CCDC14: variants seen among roughly 807,000 people sequenced by gnomAD.
The protein encoded by CCDC14 is coiled-coil domain-containing protein 14.
Under a neutral mutation model 81.4 loss-of-function variants are expected in CCDC14, and 71 were observed. The ratio of observed to expected loss-of-function variants is 0.87; its 90% confidence interval spans 0.72 to 1.06. CCDC14 has a LOEUF of 1.06. CCDC14 is among the 50% of genes least tolerant of loss of function. The pLI, the probability that CCDC14 is intolerant of heterozygous loss-of-function variation, is 0.00. For missense variants in CCDC14, 1,046 were observed against 1,047.3 expected (o/e 1.00, Z 0.02); for synonymous variants, 332 against 364.8 (o/e 0.91, Z 1.03).
At chr3:123,896,444 C>T (rs535610176), downstream of CCDC14, among the ~76,000 whole-genome samples, 2 of 152,122 alleles carry the variant, frequency 1.3e-5, no homozygotes, top group South Asian at 2.1e-4. Context: ...TATATAGACA[C>T]ACAACGGAAA....
intron 5 of CCDC14, among the ~76,000 whole-genome samples, chr3:123,899,788 C>A (rs1022136817): frequency 3.3e-5 from 5 of 152,150 alleles, no homozygotes; most frequent in African/African-American, 1.2e-4. Flanking sequence ...TGTAGCTGAC[C>A]AAACTCCTGA....
At chr3:123,936,125 T>A (rs1428027666) in intron 9 of CCDC14, among the ~76,000 whole-genome samples, 3 of 152,042 alleles carry the variant, frequency 2.0e-5, no homozygotes, top group Admixed American at 6.6e-5. Context: ...TCCCATATTT[T>A]AAAAAAATTC....
At chr3:123,924,912 CAT>C (rs79944151) in intron 12 of CCDC14, among the ~76,000 whole-genome samples, 33,684 of 148,224 alleles carry the variant, frequency 0.23, 8,364 homozygotes, top group East Asian at 0.78. Context: ...TGTACATATC[CAT>C]ATATATATAT....
At chr3:123,941,684 T>C (rs932731223) in intron 9 of CCDC14, among the ~76,000 whole-genome samples, 3 of 152,048 alleles carry the variant, frequency 2.0e-5, no homozygotes, top group African/African-American at 4.8e-5. Context: ...TAGCATGCTA[T>C]ATAATCTTTG....
At chr3:123,936,215 C>G (rs2036047734) in intron 9 of CCDC14, among the ~76,000 whole-genome samples, 1 of 151,926 alleles carries the variant, frequency 6.6e-6, no homozygotes, top group Admixed American at 6.6e-5. Flanking sequence ...AAAAAATATT[C>G]TATTTAAAAT....
In CCDC14 at chr3:123,948,897, A is replaced by T. The variant is rs756134591; in HGVS notation, c.588T>A (p.Ser196=). 5.0e-6 allele frequency: 8 copies of T among 1,611,550 alleles called. No homozygotes were observed. In the African/African-American group the frequency reaches 9.3e-5, roughly 19 times the overall value. The part of the protein sequence containing the change: ...PAVPCHAPSH[S]ESQATPHSSY... ...TTTTTAAACAGCATTCGTACTCACC[A>T]GAATGAGAGGGAGCATGGCATGGTA... Residue 196 remains serine, a splice_region_variant and synonymous_variant, in exon 6 of 13, where the codon TCT becomes TCA. Coordinates refer to ENST00000409697, the MANE Select transcript of CCDC14 (RefSeq NM_001366335.1).
rs1487661160 is a variant in CCDC14 at position 123,931,408 on chromosome 3, T to C, written c.1545A>G (p.Lys515=). ...TACTACTAAATTTTTTGTTTTCATC[T>C]TTCTGATTTTCAATCACTTTTAACA... ...EELLKVIENQ[K]DENKKFSSIF... Residue 515 remains lysine (K), a synonymous_variant, in exon 11 of 13, where the codon AAA becomes AAG. Transcript: ENST00000409697. 2 of 1,547,626 alleles carry C rather than the reference T, an allele frequency of 1.3e-6. No individual in the cohort carries two copies. Among genetic ancestry groups the C allele is most frequent in the Non-Finnish European group, 1.8e-6 (2 of 1,141,616 alleles).
At chr3:123,943,157 T>C (rs2036447002) in intron 9 of CCDC14, among the ~76,000 whole-genome samples, 1 of 151,992 alleles carries the variant, frequency 6.6e-6, no homozygotes, top group South Asian at 2.1e-4. Context: ...CATACATATA[T>C]ATATATGTTT....
At chr3:123,926,689 A>T (rs1421419465) in intron 12 of CCDC14, among the ~76,000 whole-genome samples, 1 of 151,884 alleles carries the variant, frequency 6.6e-6, no homozygotes, top group Non-Finnish European at 1.5e-5. Context: ...GCACATTTAA[A>T]ATCATTAAAG....
In CCDC14 at chr3:123,952,167, G is replaced by A. The variant is rs76270021; in HGVS notation, c.353-3035C>T. Among the ~76,000 whole-genome samples, 4 of 152,142 alleles carry A rather than the reference G, an allele frequency of 2.6e-5. No homozygotes were observed. The East Asian group carries it at 7.7e-4, about 29-fold the overall frequency. On this transcript the variant is annotated intron_variant, in intron 5 of 12. Transcript: ENST00000409697. ...CAGGTGATAACTAGAATTCATGAAA[G>A]GAAAGTATTCATTTACTCAGTCCAC...
intron 5 of CCDC14, among the ~76,000 whole-genome samples, chr3:123,899,756 C>T (rs1318420534): frequency 2.6e-5 from 4 of 152,326 alleles, no homozygotes; most frequent in South Asian, 4.1e-4. Context: ...AATCTGTTAA[C>T]GAAGTCTCCT....
chr3:123,947,181 T>C lies in CCDC14; in HGVS notation c.823A>G (p.Ile275Val). The change falls in exon 8 of 13, where the codon ATT becomes GTT. Residue 275 changes from isoleucine to valine, a missense_variant. Transcript: ENST00000409697. Reference sequence around the variant, plus strand: ...AGGCCCAGTTGCTGCAATGTTGGAATAGCTGATATGTCAGTTTTGGGCAGG... The same window carrying C: ...AGGCCCAGTTGCTGCAATGTTGGAACAGCTGATATGTCAGTTTTGGGCAGG... ...CSLPKTDISA[I>V]PTLQQLGLVN... is the part of the protein sequence containing the mutation. The C allele has an allele frequency of 6.2e-7, 1 of 1,614,016 alleles. No individual in the cohort carries two copies. The highest frequency in any genetic ancestry group is 8.5e-7 in the Non-Finnish European group (1 of 1,179,878).
At chr3:123,896,614 T>G (rs754712965), downstream of CCDC14, among the ~76,000 whole-genome samples, 1 of 152,102 alleles carries the variant, frequency 6.6e-6, no homozygotes, top group Admixed American at 6.5e-5. Context: ...CAGAAGCAGA[T>G]AGTAGAATGG....
At chr3:123,933,476 G>T in intron 10 of CCDC14, 197 bp downstream of exon 10, 1 of 555,310 alleles carries the variant, frequency 1.8e-6, no homozygotes, top group Non-Finnish European at 3.2e-6. Flanking sequence ...ATATGTAAAA[G>T]GAAACACACT....
intron 12 of CCDC14, among the ~76,000 whole-genome samples, chr3:123,925,337 G>A (rs192740225): frequency 6.6e-6 from 1 of 152,100 alleles, no homozygotes; most frequent in Non-Finnish European, 1.5e-5. Flanking sequence ...TGTGGTGGAT[G>A]TAAGGTAGGG....
At chr3:123,934,789 A>G (rs2682243) in intron 9 of CCDC14, among the ~76,000 whole-genome samples, 35,166 of 152,020 alleles carry the variant, frequency 0.23, 8,993 homozygotes, top group East Asian at 0.78. Context: ...TTTTGGTACT[A>G]ACTCTAAAAT....
intron 4 of CCDC14, 22 bp downstream of exon 4, chr3:123,956,024 C>CA: frequency 6.5e-7 from 1 of 1,527,110 alleles, no homozygotes; most frequent in Non-Finnish European, 8.8e-7. Context: ...AGGTGATCAG[C>CA]AAAGAATTAA....
chr3:123,887,983 T>G, the CCDC14 span, among the ~76,000 whole-genome samples: 1 of 152,136 alleles, frequency 6.6e-6, no homozygotes, highest in Admixed American at 6.5e-5. Context: ...TTCTTTTAAG[T>G]TTTTATTAGT....
chr3:123,947,020 A>G lies in CCDC14; in HGVS notation c.984T>C (p.Thr328=). The change falls in exon 8 of 13, where the codon ACT becomes ACC. Residue 328 remains threonine, a synonymous_variant. Coordinates refer to ENST00000409697, the MANE Select transcript of CCDC14 (RefSeq NM_001366335.1). ...HLDSQTHRSP[T]QSQPAFLATN... ...TGGCCAAGAAAGCTGGTTGTGACTG[A>G]GTAGGGCTTCGGTGTGTCTGACTGT... The G allele has an allele frequency of 6.2e-7, 1 of 1,613,936 alleles. No homozygotes were observed. The highest frequency in any genetic ancestry group is 8.5e-7 in the Non-Finnish European group (1 of 1,179,854).
Sources: gnomAD v4.1 joint callset for allele counts (sites outside exome capture counted in the v4.1 genomes callset) on GRCh38, gnomAD v4.1.1 for gene constraint, MANE v1.5 for transcripts, NCBI Gene and HGNC (gene_info 2026-07-23, HGNC 2026-07-21) for gene names.